DLC1: variants seen among roughly 807,000 people sequenced by gnomAD.
DLC1 encodes DLC1 Rho GTPase activating protein.
A neutral mutation model predicts 140.3 loss-of-function variants in DLC1; 54 were observed. The ratio of observed to expected loss-of-function variants is 0.38; its 90% CI spans 0.31 to 0.48. The LOEUF (loss-of-function observed/expected upper bound fraction) is 0.48. Ranked by LOEUF, DLC1 falls within the 20% of genes least tolerant of loss-of-function variation. DLC1 has a pLI of 0.96. For missense variants in DLC1, 2,536 were observed against 1,907.0 expected (o/e 1.33, Z -6.14); for synonymous variants, 986 against 728.1 (o/e 1.35, Z -5.70).
chr8:13,438,268 C>A (rs1434314488), intron 2 of DLC1, among the ~76,000 whole-genome samples: 2 of 152,080 alleles, frequency 1.3e-5, no homozygotes, highest in Non-Finnish European at 2.9e-5. Flanking sequence ...TTTTAATGAG[C>A]AGTCAGAGTT....
chr8:13,241,844 C>T (rs1829557925), intron 5 of DLC1, among the ~76,000 whole-genome samples: 1 of 152,014 alleles, frequency 6.6e-6, no homozygotes, highest in African/African-American at 2.4e-5. Context: ...CCCCGGGGTC[C>T]TTTCATTTCC....
In DLC1 at chr8:13,539,185, G is replaced by GTATGTATGTATGTA. The variant is rs35531208; in HGVS notation, c.-125-38990_-125-38989insTACATACATACATA. 5.8e-3 allele frequency among the ~76,000 whole-genome samples: 885 copies of GTATGTATGTATGTA among 151,466 alleles called. 8 individuals carry two copies. Among genetic ancestry groups the GTATGTATGTATGTA allele is most frequent in the East Asian group, 0.024 (121 of 5,124 alleles). On this transcript the variant is annotated intron_variant, in intron 1 of 1. Coordinates refer to the DLC1 transcript ENST00000631382. ...GTAGATCTGCAAATTGTATGTATGT[G>GTATGTATGTATGTA]TGTATGTATGTATGTATGTATGTAT...
chr8:13,133,314 G>GGCCCTCCCGCTGGGCCC, intron 5 of DLC1: 2 of 1,205,002 alleles, frequency 1.7e-6, no homozygotes, highest in Middle Eastern at 6.8e-4. Flanking sequence ...CCGCCAGCCG[G>GGCCCTCCCGCTGGGCCC]GCCCTCCCGC....
intron 5 of DLC1, among the ~76,000 whole-genome samples, chr8:13,241,189 C>T (rs1302536672): frequency 1.3e-5 from 2 of 152,174 alleles, no homozygotes; most frequent in African/African-American, 4.8e-5. Context: ...CATAACATCC[C>T]TATATGTACA....
At chr8:13,506,567 A>ACGTGTG (rs1491321792) in intron 1 of DLC1, among the ~76,000 whole-genome samples, 5 of 111,810 alleles carry the variant, frequency 4.5e-5, no homozygotes, top group African/African-American at 1.8e-4. Context: ...ACACACACAC[A>ACGTGTG]TGTGTGTGTG....
chr8:13,133,466 C>T (rs1175203158), intron 5 of DLC1: 210 of 306,302 alleles, frequency 6.9e-4, no homozygotes, highest in Non-Finnish European at 8.8e-4. Flanking sequence ...TCCTCGTGGC[C>T]GCAGCCTCAG....
chr8:13,214,677 G>C (rs771958286), intron 5 of DLC1: 1 of 780,292 alleles, frequency 1.3e-6, no homozygotes, highest in Non-Finnish European at 2.4e-6. Flanking sequence ...TCTGGGGAAA[G>C]GTGTAAGGAG....
chr8:13,272,688 C>T (rs1051491813), intron 5 of DLC1, among the ~76,000 whole-genome samples: 6 of 151,818 alleles, frequency 4.0e-5, no homozygotes, highest in African/African-American at 7.3e-5. Flanking sequence ...GGTGAAACCC[C>T]GTCTCTACTA....
intron 4 of DLC1, among the ~76,000 whole-genome samples, chr8:13,318,494 A>G (rs1477725022): frequency 6.6e-6 from 1 of 152,214 alleles, no homozygotes; most frequent in East Asian, 1.9e-4. Context: ...TAACTTAGTT[A>G]AGTTCATGTT....
chr8:13,428,479 G>A (rs1380560785), intron 2 of DLC1, among the ~76,000 whole-genome samples: 4 of 152,106 alleles, frequency 2.6e-5, no homozygotes, highest in Admixed American at 2.0e-4. Context: ...TGAAAGCTTT[G>A]AGAGCTCCTA....
intron 2 of DLC1, among the ~76,000 whole-genome samples, chr8:13,446,297 T>C (rs1798774039): frequency 6.6e-6 from 1 of 152,250 alleles, no homozygotes; most frequent in Admixed American, 6.5e-5. Context: ...ATTTACCTCG[T>C]GTAATATACT....
intron 5 of DLC1, among the ~76,000 whole-genome samples, chr8:13,231,600 C>G (rs973519768): frequency 6.6e-6 from 1 of 152,204 alleles, no homozygotes; most frequent in African/African-American, 2.4e-5. Context: ...GTCTACAATT[C>G]TACATATTCT....
chr8:13,362,239 T>G (rs1438824455), intron 4 of DLC1, among the ~76,000 whole-genome samples: 1 of 152,138 alleles, frequency 6.6e-6, no homozygotes, highest in Non-Finnish European at 1.5e-5. Context: ...ATGTGGAAGC[T>G]GAGCAATACA....
chr8:13,140,163 G>C (rs1031961118), intron 5 of DLC1, among the ~76,000 whole-genome samples: 6 of 151,962 alleles, frequency 3.9e-5, no homozygotes, highest in Non-Finnish European at 2.9e-5. Context: ...TTGCCCCTTT[G>C]TGTCTGGCTT....
At chr8:13,161,547 C>A (rs904175862) in intron 5 of DLC1, among the ~76,000 whole-genome samples, 3 of 152,014 alleles carry the variant, frequency 2.0e-5, no homozygotes, top group Non-Finnish European at 4.4e-5. Context: ...GCTTTGTTGC[C>A]GCTGGTCTTG....
intron 5 of DLC1, among the ~76,000 whole-genome samples, chr8:13,175,048 T>G (rs1825683557): frequency 6.6e-6 from 1 of 152,154 alleles, no homozygotes; most frequent in Non-Finnish European, 1.5e-5. Flanking sequence ...TTGAATACAG[T>G]GAAAGGTAGG....
At chr8:13,508,866 CAAAT>C (rs1563409517) in intron 1 of DLC1, among the ~76,000 whole-genome samples, 1 of 152,108 alleles carries the variant, frequency 6.6e-6, no homozygotes, top group Non-Finnish European at 1.5e-5. Flanking sequence ...ATTAATTCTG[CAAAT>C]AAATTCATTA....
chr8:13,593,962 C>T (rs557848222), intron 1 of DLC1, among the ~76,000 whole-genome samples: 3 of 152,132 alleles, frequency 2.0e-5, no homozygotes, highest in East Asian at 3.9e-4. Context: ...CCTCTGAAGA[C>T]GAGCCTGGGC....
chr8:13,566,561 T>C (rs1804435291), intron 1 of DLC1, among the ~76,000 whole-genome samples: 1 of 152,220 alleles, frequency 6.6e-6, no homozygotes, highest in South Asian at 2.1e-4. Context: ...TAAATCTAGA[T>C]GCATTTAGGC....
Sources: allele counts gnomAD v4.1 joint callset (sites outside exome capture counted in the v4.1 genomes callset), GRCh38; gene constraint gnomAD v4.1.1; transcripts MANE v1.5; gene names NCBI Gene and HGNC (gene_info 2026-07-23, HGNC 2026-07-21).